Variants in NDUFAF2 observed in about 807,000 individuals in gnomAD.
The protein encoded by NDUFAF2 is NADH:ubiquinone oxidoreductase complex assembly factor 2.
NDUFAF2 carries 13 observed loss-of-function variants against 22.8 expected under a neutral mutation model. The ratio of observed to expected loss-of-function variants is 0.57; its 90% confidence interval spans 0.37 to 0.91. NDUFAF2 has a LOEUF of 0.91. NDUFAF2 is among the 40% of genes least tolerant of loss of function. The pLI is 0.01. For synonymous variants in NDUFAF2, 53 were observed against 64.2 expected (o/e 0.83, Z 0.84); for missense variants, 162 against 195.2 (o/e 0.83, Z 1.01).
intron 1 of NDUFAF2, among the ~76,000 whole-genome samples, chr5:60,960,940 G>A (rs567788511): frequency 5.3e-5 from 8 of 152,078 alleles, no homozygotes; most frequent in South Asian, 2.1e-4. Flanking sequence ...ATATAACTCC[G>A]ATTAAGCATA....
intron 1 of NDUFAF2, among the ~76,000 whole-genome samples, chr5:61,017,705 T>C (rs1751530124): frequency 1.3e-5 from 2 of 152,122 alleles, no homozygotes; most frequent in East Asian, 3.9e-4. Context: ...GGAGTTTGAG[T>C]TTAGCCTGGG....
intron 1 of NDUFAF2, among the ~76,000 whole-genome samples, chr5:61,012,570 A>G (rs1751455400): frequency 6.6e-6 from 1 of 152,042 alleles, no homozygotes; most frequent in Non-Finnish European, 1.5e-5. Context: ...AAAACTGCTT[A>G]TAATTTCCAA....
intron 1 of NDUFAF2, among the ~76,000 whole-genome samples, chr5:60,985,768 T>C (rs576876711): frequency 7.9e-5 from 12 of 152,280 alleles, no homozygotes; most frequent in Admixed American, 2.0e-4. Flanking sequence ...AGGAGACTCA[T>C]TCACTATCAT....
At chr5:60,996,977 TG>T (rs1751236285) in intron 1 of NDUFAF2, among the ~76,000 whole-genome samples, 1 of 152,180 alleles carries the variant, frequency 6.6e-6, no homozygotes, top group East Asian at 1.9e-4. Context: ...ATCCTTTTCA[TG>T]TGTGTAGAAG....
intron 3 of NDUFAF2, among the ~76,000 whole-genome samples, chr5:61,118,809 A>G (rs981905383): frequency 3.3e-5 from 5 of 152,200 alleles, no homozygotes; most frequent in African/African-American, 1.2e-4. Flanking sequence ...ATGGATATAT[A>G]GAGATATTGT....
chr5:61,056,932 AT>A (rs1561553167), intron 1 of NDUFAF2, among the ~76,000 whole-genome samples: 2 of 30,032 alleles, frequency 6.7e-5, no homozygotes, highest in Non-Finnish European at 1.5e-4. Flanking sequence ...ATATATATAT[AT>A]ATATATATAT....
At chr5:61,063,776 T>G (rs1004707269) in intron 1 of NDUFAF2, among the ~76,000 whole-genome samples, 6 of 152,032 alleles carry the variant, frequency 3.9e-5, no homozygotes, top group African/African-American at 1.4e-4. Context: ...AAAGCTCAGC[T>G]ACAGAAAATT....
chr5:61,033,143 G>GT (rs1286858751), intron 1 of NDUFAF2, among the ~76,000 whole-genome samples: 4 of 152,034 alleles, frequency 2.6e-5, no homozygotes, highest in Non-Finnish European at 5.9e-5. Flanking sequence ...GTATTCCTAG[G>GT]TATTTTATTC....
chr5:61,039,874 T>C (rs1355918041), intron 1 of NDUFAF2, among the ~76,000 whole-genome samples: 2 of 152,156 alleles, frequency 1.3e-5, no homozygotes, highest in Non-Finnish European at 2.9e-5. Context: ...TAATAGTTTA[T>C]GAACTAAATT....
intron 1 of NDUFAF2, among the ~76,000 whole-genome samples, chr5:61,056,968 A>G (rs1752108822): frequency 7.4e-6 from 1 of 135,792 alleles, no homozygotes; most frequent in Non-Finnish European, 1.5e-5. Flanking sequence ...ATGGTGCTAT[A>G]TAAAAACTTT....
At chr5:61,012,411 A>G (rs1465715573) in intron 1 of NDUFAF2, among the ~76,000 whole-genome samples, 1 of 152,146 alleles carries the variant, frequency 6.6e-6, no homozygotes, top group African/African-American at 2.4e-5. Flanking sequence ...AGACATAGCT[A>G]TTACCTAAAT....
At chr5:61,018,592 A>T (rs555840400) in intron 1 of NDUFAF2, among the ~76,000 whole-genome samples, 3 of 152,298 alleles carry the variant, frequency 2.0e-5, no homozygotes, top group Non-Finnish European at 2.9e-5. Flanking sequence ...TAAGCTATAT[A>T]AATGGCAATA....
chr5:61,041,184 T>A (rs1751877786), intron 1 of NDUFAF2, among the ~76,000 whole-genome samples: 1 of 152,188 alleles, frequency 6.6e-6, no homozygotes. Context: ...TTAAATTTTT[T>A]AAACTTTAAA....
intron 1 of NDUFAF2, among the ~76,000 whole-genome samples, chr5:60,984,276 A>G (rs1751035780): frequency 6.6e-6 from 1 of 152,152 alleles, no homozygotes; most frequent in African/African-American, 2.4e-5. Context: ...GAAGTTGCCT[A>G]TCAGCTTAAG....
At chr5:61,139,401 G>C (rs1031086643) in intron 3 of NDUFAF2, among the ~76,000 whole-genome samples, 1 of 152,172 alleles carries the variant, frequency 6.6e-6, no homozygotes, top group Non-Finnish European at 1.5e-5. Flanking sequence ...TGTCGCTTTT[G>C]CACTGTCATA....
Position 61,061,892 on chromosome 5 carries a change from A to G in NDUFAF2, c.128-11233A>G, listed in dbSNP as rs376183443. On this transcript the variant is annotated intron_variant, in intron 1 of 3. Transcript: ENST00000296597. ...CCTAATAACCTACACTGCTGCAGTC[A>G]GTACCACAAACTCCTGAAGCCTAGA... Among the ~76,000 whole-genome samples, 22 of 152,334 alleles carry G rather than the reference A, an allele frequency of 1.4e-4. No individual in the cohort carries two copies. In the South Asian group the frequency reaches 1.9e-3, roughly 13 times the overall value.
intron 1 of NDUFAF2, among the ~76,000 whole-genome samples, chr5:60,961,124 C>T (rs1341811713): frequency 6.6e-6 from 1 of 152,062 alleles, no homozygotes; most frequent in African/African-American, 2.4e-5. Flanking sequence ...TCGATTTGCT[C>T]TTTATGTTGA....
chr5:61,099,086 C>G (rs961459422), intron 3 of NDUFAF2, 54 bp downstream of exon 3: 1 of 1,267,006 alleles, frequency 7.9e-7, no homozygotes, highest in South Asian at 1.8e-5. Flanking sequence ...CAAGGATATA[C>G]GAAGCTTCAG....
At chr5:61,035,123 G>A (rs1264408541) in intron 1 of NDUFAF2, among the ~76,000 whole-genome samples, 1 of 151,106 alleles carries the variant, frequency 6.6e-6, no homozygotes, top group East Asian at 1.9e-4. Flanking sequence ...CTGGAGTGCA[G>A]TGGCGTGATC....
Sources: allele counts gnomAD v4.1 joint callset (sites outside exome capture counted in the v4.1 genomes callset), GRCh38; gene constraint gnomAD v4.1.1; transcripts MANE v1.5; gene names NCBI Gene and HGNC (gene_info 2026-07-23, HGNC 2026-07-21).